The following ZNF184 variants were observed in gnomAD, a reference collection of about 807,000 sequenced individuals.
The protein encoded by ZNF184 is zinc finger protein 184.
In ZNF184, 16 loss-of-function variants were observed where a neutral mutation model predicts 54.4. The ratio of observed to expected loss-of-function variants is 0.29; its 90% CI spans 0.20 to 0.45. ZNF184 has a LOEUF of 0.45. Among genes scored for constraint, ZNF184 ranks in the 20% least tolerant of loss-of-function variants. The probability of loss-of-function intolerance (pLI) is 1.00; values close to 1 mark genes in which losing one functional copy is unlikely to be tolerated. For missense variants in ZNF184, 681 were observed against 888.2 expected (o/e 0.77, Z 2.97); for synonymous variants, 254 against 295.3 (o/e 0.86, Z 1.43).
the ZNF184 span, among the ~76,000 whole-genome samples, chr6:27,415,440 G>T: frequency 6.6e-6 from 1 of 152,068 alleles, no homozygotes; most frequent in Non-Finnish European, 1.5e-5. Flanking sequence ...AGAAAAAAAT[G>T]CTTTTCTCTA....
In ZNF184 at chr6:27,451,180, C is replaced by T. The variant is rs1309304239; in HGVS notation, c.*123G>A. ...GCCCAATGTACTTTCCATTCCATAACATGATAGTGAAAATTTAAAAGATTT... is the reference window on the plus strand; with the variant it reads ...GCCCAATGTACTTTCCATTCCATAATATGATAGTGAAAATTTAAAAGATTT... On this transcript the variant is annotated 3_prime_UTR_variant, in exon 6 of 6. Coordinates refer to ENST00000683788, the MANE Select transcript of ZNF184 (RefSeq NM_001318891.2). The T allele has an allele frequency of 5.9e-6, 7 of 1,194,946 alleles. No homozygotes were observed. The highest frequency in any genetic ancestry group is 1.5e-5 in the African/African-American group (1 of 65,292). 74.0% of individuals were successfully genotyped at this position (1,194,946 alleles called of 1,614,324 possible). A position where few individuals can be genotyped will look rare whatever the true frequency, so the allele number is the denominator to read the frequency against.
intron 5 of ZNF184, among the ~76,000 whole-genome samples, chr6:27,454,691 C>T (rs537374784): frequency 6.6e-6 from 1 of 152,212 alleles, no homozygotes; most frequent in Admixed American, 6.5e-5. Flanking sequence ...ATTGTCATGT[C>T]CTCTACTCAA....
intron 3 of ZNF184, among the ~76,000 whole-genome samples, chr6:27,466,509 T>C (rs1305203569): frequency 2.0e-5 from 3 of 152,290 alleles, no homozygotes; most frequent in African/African-American, 7.2e-5. Context: ...AAAAAACAAG[T>C]CTCCATAAAT....
intron 4 of ZNF184, 52 bp downstream of exon 4, chr6:27,457,231 G>A (rs988241755): frequency 6.3e-6 from 10 of 1,590,592 alleles, no homozygotes; most frequent in Non-Finnish European, 8.6e-6. Context: ...GCACAAGAGA[G>A]AACCCTCCTC....
rs142692089 is a variant in ZNF184, at chr6:27,452,305, G to A, written c.1254C>T (p.Tyr418=). Residue 418 remains tyrosine, a synonymous_variant, in exon 6 of 6, where the codon TAC becomes TAT. Transcript: ENST00000683788. This position sits in a 1 kb window ranked among gnomAD's most constrained non-coding sequence, Gnocchi z 5.5. ...HHMIHTGEKP[Y]ECNECGKAFS... ...AGGCTTTCCCACATTCATTGCATTC[G>A]TACGGTTTTTCACCAGTATGAATCA... 1.0e-3 allele frequency: 1,661 copies of A among 1,613,554 alleles called. 7 individuals are homozygous for A. Among genetic ancestry groups the A allele is most frequent in the Middle Eastern group, 5.6e-3 (34 of 6,054 alleles).
At chr6:27,424,939 G>C in the ZNF184 span, among the ~76,000 whole-genome samples, 8 of 152,232 alleles carry the variant, frequency 5.3e-5, no homozygotes, top group Non-Finnish European at 7.4e-5. Flanking sequence ...GGAGGCTCAG[G>C]CATGGCGGGC....
the ZNF184 span, among the ~76,000 whole-genome samples, chr6:27,443,246 G>A: frequency 6.6e-6 from 1 of 152,142 alleles, no homozygotes; most frequent in Non-Finnish European, 1.5e-5. Flanking sequence ...ACTGGGCCTG[G>A]AGGGTGAGGT....
At chr6:27,470,234 G>A (rs960399421) in intron 2 of ZNF184, among the ~76,000 whole-genome samples, 3 of 151,862 alleles carry the variant, frequency 2.0e-5, no homozygotes, top group African/African-American at 7.3e-5. Flanking sequence ...AATCCTGAGT[G>A]TGAAACCTGA....
intron 3 of ZNF184, among the ~76,000 whole-genome samples, chr6:27,466,622 T>A (rs1763145597): frequency 6.6e-6 from 1 of 152,010 alleles, no homozygotes; most frequent in South Asian, 2.1e-4. Context: ...ACAAAACTTA[T>A]CAAATTATAT....
At chr6:27,455,897 C>A (rs904035636) in intron 5 of ZNF184, among the ~76,000 whole-genome samples, 5 of 152,128 alleles carry the variant, frequency 3.3e-5, no homozygotes, top group Admixed American at 6.6e-5. Flanking sequence ...TTACTTCATG[C>A]AGTTTGGAAA....
intron 5 of ZNF184, among the ~76,000 whole-genome samples, chr6:27,455,448 C>G (rs1160103287): frequency 6.6e-6 from 1 of 152,118 alleles, no homozygotes; most frequent in African/African-American, 2.4e-5. Flanking sequence ...TCTATCTGGT[C>G]AAGTAAAATT....
At position 27,467,852 on chromosome 6, in the gene ZNF184, C is replaced by T. The variant is rs768691280; in HGVS notation, c.75+1G>A. On this transcript the variant is annotated splice_donor_variant, in intron 3 of 5. Transcript: ENST00000683788. LOFTEE classifies it high-confidence loss of function. ...TGGCATTTCAAGAAACCACATCTTA[C>T]CTGAAAACTGGCTGATGAGAGTAGA... is the stretch of plus-strand genomic sequence containing the variant. 2.5e-6 allele frequency: 4 copies of T among 1,610,674 alleles called. No homozygotes were observed. Among genetic ancestry groups the T allele is most frequent in the Non-Finnish European group, 3.4e-6 (4 of 1,178,554 alleles).
chr6:27,410,468 T>C, the ZNF184 span, among the ~76,000 whole-genome samples: 1 of 152,166 alleles, frequency 6.6e-6, no homozygotes, highest in Non-Finnish European at 1.5e-5. Context: ...ATTTCATAGC[T>C]ACATGATGGC....
In ZNF184 at chr6:27,460,182, T is replaced by C. The variant is rs545843328; in HGVS notation, c.76-2773A>G. ...TTTTTATGAATAGGAAGAACGTTTA[T>C]ATGTAAATGAACAGAAAAAAATCTA... On this transcript the variant is annotated intron_variant, in intron 3 of 5. Coordinates refer to ENST00000683788, the MANE Select transcript of ZNF184 (RefSeq NM_001318891.2). Among the ~76,000 whole-genome samples, 212 of 152,228 alleles carry C rather than the reference T, an allele frequency of 1.4e-3. 1 individual carries two copies. The highest frequency in any genetic ancestry group is 2.3e-3 in the Non-Finnish European group (157 of 68,008).
At chr6:27,456,989 C>G in intron 4 of ZNF184, 68 bp from the exon 5 acceptor site, 1 of 1,395,062 alleles carries the variant, frequency 7.2e-7, no homozygotes, top group Non-Finnish European at 1.0e-6. Flanking sequence ...AATTCAATCA[C>G]CACTTTGTCT....
chr6:27,467,526 C>T (rs367717722), intron 3 of ZNF184, among the ~76,000 whole-genome samples: 3 of 151,990 alleles, frequency 2.0e-5, no homozygotes, highest in South Asian at 2.1e-4. Context: ...ACCCGGCAGG[C>T]GGAGGTTGCA....
the ZNF184 span, among the ~76,000 whole-genome samples, chr6:27,408,559 A>G: frequency 6.6e-6 from 1 of 152,224 alleles, no homozygotes; most frequent in African/African-American, 2.4e-5. Context: ...TATTGAGTTC[A>G]GCCTAGCCAC....
the ZNF184 span, among the ~76,000 whole-genome samples, chr6:27,424,037 G>A: frequency 6.6e-6 from 1 of 152,160 alleles, no homozygotes; most frequent in Non-Finnish European, 1.5e-5. Flanking sequence ...AACCCTCGCG[G>A]TGAGCGTTAC....
the ZNF184 span, among the ~76,000 whole-genome samples, chr6:27,414,123 A>G: frequency 3.3e-5 from 5 of 152,216 alleles, no homozygotes; most frequent in East Asian, 3.8e-4. Context: ...TATCTAAACC[A>G]TCAGCAAATC....
Sources: gnomAD v4.1 joint callset for allele counts (sites outside exome capture counted in the v4.1 genomes callset) on GRCh38, gnomAD v4.1.1 for gene constraint, Gnocchi (gnomAD v3.1) non-coding constraint, MANE v1.5 for transcripts, NCBI Gene and HGNC (gene_info 2026-07-23, HGNC 2026-07-21) for gene names.